ROBO1: variants seen among roughly 807,000 people sequenced by gnomAD.
The protein encoded by ROBO1 is roundabout guidance receptor 1.
ROBO1 carries 149 observed loss-of-function variants against 195.9 expected under a neutral mutation model. The ratio of observed to expected loss-of-function variants is 0.76; its 90% CI spans 0.67 to 0.87. The LOEUF is 0.87. Among genes scored for constraint, ROBO1 ranks in the 40% least tolerant of loss-of-function variants. ROBO1 has a pLI of 0.00. For synonymous variants in ROBO1, 816 were observed against 733.2 expected, an observed-to-expected ratio of 1.11 and a Z score of -1.82; for missense variants, 1,933 against 2,068.3, an observed-to-expected ratio of 0.93 and a Z score of 1.27.
intron 3 of ROBO1, among the ~76,000 whole-genome samples, chr3:78,957,358 T>C (rs562421464): frequency 1.3e-5 from 2 of 151,854 alleles, no homozygotes; most frequent in African/African-American, 4.8e-5. Flanking sequence ...CCTGTCTCTC[T>C]CTCTCTCTTT....
chr3:78,617,695 C>T lies in ROBO1; in HGVS notation c.4222G>A (p.Ala1408Thr), dbSNP rs1040702244. 20 of 1,613,924 alleles carry T rather than the reference C, an allele frequency of 1.2e-5. No individual in the cohort carries two copies. Among genetic ancestry groups the T allele is most frequent in the Admixed American group, 5.0e-5 (3 of 60,014 alleles). The change falls in exon 27 of 31, where the codon GCA (alanine) becomes ACA (threonine). Residue 1408 changes from alanine (A) to threonine (T), a missense_variant. By Grantham distance (58) the Ala-to-Thr change is moderately conservative. Around this residue, in one of 3 missense-constraint regions of ROBO1, gnomAD observed 1,737 missense variants for 1,882.5 expected, o/e 0.92. Transcript: ENST00000464233. ...AGACCAGCATACTCTGCCGCTGCTG[C>T]GACTGCCTGGGCAAAGTCAGCATCA... Reference protein sequence around the residue: ...FTDADFAQAVAAAAEYAGLKV... With the variant: ...FTDADFAQAVTAAAEYAGLKV...
chr3:79,078,522 T>C (rs893590542), intron 3 of ROBO1, among the ~76,000 whole-genome samples: 2 of 151,798 alleles, frequency 1.3e-5, no homozygotes, highest in Non-Finnish European at 3.0e-5. Context: ...ATTTTTACAC[T>C]TTCCAACCAA....
Position 78,635,991 on chromosome 3 carries a change from G to A in ROBO1, c.3155C>T (p.Thr1052Ile), listed in dbSNP as rs1009472431. 1 of 1,613,638 alleles carries A rather than the reference G, an allele frequency of 6.2e-7. No individual in the cohort carries two copies. The highest frequency in any genetic ancestry group is 1.3e-5 in the African/African-American group (1 of 74,840). ...DLSNKINEMKTFNSPNLKDGR... is the reference protein window; with the variant it reads ...DLSNKINEMKIFNSPNLKDGR... ...ATCCTTCAGATTTGGGCTATTGAAG[G>A]TTTTCATCTCATTGATTTTGTTACT... The change falls in exon 23 of 31, where the codon ACC becomes ATC. Residue 1052 changes from threonine to isoleucine, a missense_variant. By Grantham distance (89) the Thr-to-Ile change is moderately conservative. This residue lies in a region of ROBO1 where 1,737 missense variants were observed against 1,882.5 expected (regional missense o/e 0.92). Transcript: ENST00000464233.
intron 1 of ROBO1, among the ~76,000 whole-genome samples, chr3:79,693,427 GTTTT>G (rs370518631): frequency 4.1e-5 from 6 of 147,278 alleles, no homozygotes; most frequent in African/African-American, 1.5e-4. Flanking sequence ...GTGTGTCCTT[GTTTT>G]TTTGTTTGTT....
At chr3:79,557,743 A>AATATATATATATATATATATATATAT in intron 2 of ROBO1, among the ~76,000 whole-genome samples, 1 of 130,824 alleles carries the variant, frequency 7.6e-6, no homozygotes, top group African/African-American at 3.1e-5. Context: ...AACAAAAAAA[A>AATATATATATATATATATATATATAT]ATATATATAT....
intron 2 of ROBO1, among the ~76,000 whole-genome samples, chr3:79,202,912 G>A (rs2081795169): frequency 6.6e-6 from 1 of 152,024 alleles, no homozygotes; most frequent in African/African-American, 2.4e-5. Flanking sequence ...CAATTTAATA[G>A]GATTCGCTTT....
chr3:79,586,977 G>C (rs1323376892), intron 2 of ROBO1, among the ~76,000 whole-genome samples: 2 of 151,794 alleles, frequency 1.3e-5, no homozygotes, highest in African/African-American at 4.8e-5. Context: ...AAAAGAGGTG[G>C]GCTTTAATGG....
intron 4 of ROBO1, among the ~76,000 whole-genome samples, chr3:78,800,869 G>T (rs1011351685): frequency 1.3e-5 from 2 of 152,144 alleles, no homozygotes; most frequent in South Asian, 4.2e-4. Flanking sequence ...TGGCCTAAAT[G>T]AAATTTTTAA....
At chr3:78,705,936 C>A (rs1337139796) in intron 8 of ROBO1, among the ~76,000 whole-genome samples, 1 of 152,064 alleles carries the variant, frequency 6.6e-6, no homozygotes, top group Non-Finnish European at 1.5e-5. Context: ...TAAATCTCTT[C>A]TTATTATCTC....
At chr3:78,948,139 T>C (rs993722289) in intron 3 of ROBO1, among the ~76,000 whole-genome samples, 6 of 152,038 alleles carry the variant, frequency 3.9e-5, no homozygotes, top group East Asian at 3.9e-4. Context: ...TTCCAATCAA[T>C]AGAAAAAGAG....
intron 2 of ROBO1, among the ~76,000 whole-genome samples, chr3:79,334,309 A>AT (rs1423681193): frequency 6.2e-4 from 76 of 123,020 alleles, no homozygotes; most frequent in Middle Eastern, 4.2e-3. Flanking sequence ...CTAAAAAAAA[A>AT]AAATATATAT....
intron 2 of ROBO1, among the ~76,000 whole-genome samples, chr3:79,238,055 C>T (rs1388451917): frequency 6.6e-6 from 1 of 152,164 alleles, no homozygotes; most frequent in African/African-American, 2.4e-5. Context: ...TTTTCCTTTG[C>T]TCAGGCTTCT....
chr3:79,280,731 C>A (rs1386762550), intron 2 of ROBO1, among the ~76,000 whole-genome samples: 2 of 152,072 alleles, frequency 1.3e-5, no homozygotes, highest in East Asian at 3.9e-4. Flanking sequence ...CTGTTCATCC[C>A]GAACAGTTTC....
chr3:78,836,261 C>T (rs941459283), intron 4 of ROBO1, among the ~76,000 whole-genome samples: 4 of 151,914 alleles, frequency 2.6e-5, no homozygotes, highest in African/African-American at 7.3e-5. Context: ...GCCTGTAATC[C>T]CAGCACTTTG....
At chr3:79,087,841 T>G (rs1380935137) in intron 3 of ROBO1, among the ~76,000 whole-genome samples, 1 of 152,122 alleles carries the variant, frequency 6.6e-6, no homozygotes, top group African/African-American at 2.4e-5. Flanking sequence ...CAAACAATAT[T>G]GATAACTGTT....
intron 3 of ROBO1, among the ~76,000 whole-genome samples, chr3:79,079,735 A>G (rs1212848266): frequency 6.6e-6 from 1 of 151,854 alleles, no homozygotes; most frequent in Admixed American, 6.6e-5. Context: ...TGCTCATCTC[A>G]ATGTATCCAC....
intron 2 of ROBO1, among the ~76,000 whole-genome samples, chr3:79,579,016 T>C (rs1943578507): frequency 6.6e-6 from 1 of 152,194 alleles, no homozygotes; most frequent in East Asian, 1.9e-4. Flanking sequence ...ATATATTGTA[T>C]TTTATCAATA....
At chr3:79,611,375 T>G (rs184677902) in intron 1 of ROBO1, among the ~76,000 whole-genome samples, 12 of 152,202 alleles carry the variant, frequency 7.9e-5, no homozygotes, top group Non-Finnish European at 1.6e-4. Flanking sequence ...TAAAATCATT[T>G]GACTTAAATT....
At chr3:79,572,487 T>C (rs1199138341) in intron 2 of ROBO1, among the ~76,000 whole-genome samples, 4 of 152,072 alleles carry the variant, frequency 2.6e-5, no homozygotes, top group African/African-American at 9.7e-5. Flanking sequence ...TTAGGTAATA[T>C]ATATATAATA....
Sources: allele counts gnomAD v4.1 joint callset (sites outside exome capture counted in the v4.1 genomes callset), GRCh38; gene constraint gnomAD v4.1.1; regional missense constraint gnomAD v4.1.1; transcripts MANE v1.5; gene names NCBI Gene and HGNC (gene_info 2026-07-23, HGNC 2026-07-21).